RBBP7: variants seen among roughly 807,000 people sequenced by gnomAD.
The protein encoded by RBBP7 is RB binding protein 7, chromatin remodeling factor, also known as histone-binding protein RBBP7.
RBBP7 carries 5 observed loss-of-function variants against 35.2 expected under a neutral mutation model. That is an observed-to-expected ratio of 0.14 (90% CI 0.07 to 0.30). The LOEUF (loss-of-function observed/expected upper bound fraction) is 0.30, where lower values mean the gene tolerates loss of function less well. Among genes scored for constraint, RBBP7 ranks in the 10% least tolerant of loss-of-function variants. The pLI is 1.00. For synonymous variants in RBBP7, 140 were observed against 118.7 expected (o/e 1.18, Z -1.17); for missense variants, 155 against 327.5 (o/e 0.47, Z 4.07).
In RBBP7 at chrX:16,852,097, G is replaced by A. The variant is rs1349770026; in HGVS notation, c.989C>T (p.Thr330Ile). The A allele has an allele frequency of 8.3e-7, 1 of 1,204,791 alleles. No individual in the cohort carries two copies. The highest frequency in any genetic ancestry group is 2.2e-5 in the Admixed American group (1 of 46,027). ...FQVHWSPHNE[T>I]ILASSGTDRR... ...GTCAGTACCACTTGAAGCCAGAATA[G>A]TTTCATTATGTGGAGACCAGTGGAC... The change falls in exon 9 of 12, where the codon ACT becomes ATT. Residue 330 changes from threonine (T) to isoleucine (I), a missense_variant. Thr to Ile is a moderately conservative substitution (Grantham distance 89). Coordinates refer to ENST00000380087, the MANE Select transcript of RBBP7 (RefSeq NM_002893.4).
intron 5 of RBBP7, among the ~76,000 whole-genome samples, chrX:16,854,522 G>A (rs762059111): frequency 7.6e-4 from 85 of 111,305 alleles, no homozygotes; most frequent in Non-Finnish European, 1.3e-3. Flanking sequence ...CATCCTAAAA[G>A]TTTACACTGG....
At position 16,869,898 on chromosome X, in the gene RBBP7, G is replaced by C. The variant is rs749919945; in HGVS notation, c.16+140C>G. 6.4e-6 allele frequency: 5 copies of C among 783,514 alleles called. No homozygotes were observed. The South Asian group carries it at 2.0e-4, about 31-fold the overall frequency. The allele number at this position is 783,514 out of a possible 1,213,427, so 64.6% of individuals were successfully genotyped here. On this transcript the variant is annotated intron_variant, in intron 1 of 11. Transcript: ENST00000380087. ...CGGTCCCGTCCCGCGCAGGCCCCTC[G>C]AGGCGCGCGCCCAGTCTCGCGCCCG... is the stretch of plus-strand genomic sequence containing the variant.
chrX:16,870,090 G>C lies in RBBP7; in HGVS notation c.-37C>G. On this transcript the variant is annotated 5_prime_UTR_variant, in exon 1 of 12. Coordinates refer to ENST00000380087, the MANE Select transcript of RBBP7 (RefSeq NM_002893.4). Reference sequence around the variant, plus strand: ...TCGTTCGCCCCTCGCCGCCGCCTCGGACTCCTCTCGTTAGCCAAGAGCAGC... The same window carrying C: ...TCGTTCGCCCCTCGCCGCCGCCTCGCACTCCTCTCGTTAGCCAAGAGCAGC... 2 of 1,082,255 alleles carry C rather than the reference G, an allele frequency of 1.8e-6. No homozygotes were observed. Among genetic ancestry groups the C allele is most frequent in the East Asian group, 3.9e-5 (1 of 25,916 alleles). 89.2% of individuals were successfully genotyped at this position (1,082,255 alleles called of 1,213,427 possible). A position where few individuals can be genotyped will look rare whatever the true frequency, so the allele number is the denominator to read the frequency against.
chrX:16,845,900 A>G lies in RBBP7; in HGVS notation c.1137T>C (p.Phe379=). ...HGGHTAKISD[F]SWNPNEPWVI... ...CCCAAGGCTCATTGGGGTTCCAGCT[A>G]AAATCTGAAATCTTAGCAGTGTGTC... is the stretch of plus-strand genomic sequence containing the variant. The change falls in exon 11 of 12, where the codon TTT becomes TTC. Residue 379 remains phenylalanine, a synonymous_variant. Coordinates refer to ENST00000380087, the MANE Select transcript of RBBP7 (RefSeq NM_002893.4). The G allele has an allele frequency of 1.7e-6, 2 of 1,211,690 alleles. No individual in the cohort carries two copies. Among genetic ancestry groups the G allele is most frequent in the South Asian group, 1.8e-5 (1 of 56,929 alleles).
At chrX:16,851,971 C>G in intron 9 of RBBP7, 75 bp downstream of exon 9, 1 of 897,816 alleles carries the variant, frequency 1.1e-6, no homozygotes, top group Non-Finnish European at 1.6e-6. Flanking sequence ...AATTGCTTTT[C>G]TAGTTTATGA....
At chrX:16,847,984 G>A (rs1183822432) in intron 10 of RBBP7, 3 of 111,649 alleles carry the variant, frequency 2.7e-5, no homozygotes, top group Non-Finnish European at 5.6e-5. Context: ...AAAGTAATAC[G>A]CTTTCCTTTC....
At chrX:16,862,418 T>C (rs755815244) in intron 3 of RBBP7, among the ~76,000 whole-genome samples, 1 of 111,586 alleles carries the variant, frequency 9.0e-6, no homozygotes, top group Non-Finnish European at 1.9e-5. Context: ...AAAATACCCA[T>C]TGCACACACC....
intron 2 of RBBP7, among the ~76,000 whole-genome samples, chrX:16,866,549 A>G (rs1274823925): frequency 2.0e-5 from 2 of 100,429 alleles, no homozygotes; most frequent in African/African-American, 3.7e-5. Context: ...AAAAAAAAAA[A>G]AAAAAAAAGA....
At chrX:16,853,506 C>T (rs1930263441) in intron 6 of RBBP7, 176 bp downstream of exon 6, 2 of 388,069 alleles carry the variant, frequency 5.2e-6, no homozygotes, top group Non-Finnish European at 4.1e-6. Context: ...CTCCTGGTCT[C>T]AAGCAATCCT....
At chrX:16,853,462 T>C in intron 6 of RBBP7, 1 of 296,875 alleles carries the variant, frequency 3.4e-6, no homozygotes, top group Non-Finnish European at 5.8e-6. Flanking sequence ...ACCCAACTAA[T>C]TTTTTGTTTT....
In RBBP7 at chrX:16,869,077, T is replaced by C; in HGVS notation, c.160A>G (p.Lys54Glu). The change falls in exon 2 of 12, where the codon AAA becomes GAA. Residue 54 changes from lysine to glutamate, a missense_variant and splice_region_variant. By Grantham distance (56) the Lys-to-Glu change is moderately conservative. Around this residue, in one of 3 missense-constraint regions of RBBP7, gnomAD observed 59 missense variants for 90.4 expected, o/e 0.65. Coordinates refer to ENST00000380087, the MANE Select transcript of RBBP7 (RefSeq NM_002893.4). The part of the protein sequence containing the change: ...LTVQWLPEVT[K>E]PEGKDYALHW... Reference sequence around the variant, plus strand: ...ATAAAAGTTGCCAGAAACCCTTACTTAGTCACTTCAGGAAGCCACTGAACG... The same window carrying C: ...ATAAAAGTTGCCAGAAACCCTTACTCAGTCACTTCAGGAAGCCACTGAACG... 2.5e-6 allele frequency: 3 copies of C among 1,197,246 alleles called. No individual in the cohort carries two copies. Among genetic ancestry groups the C allele is most frequent in the Non-Finnish European group, 3.4e-6 (3 of 891,484 alleles).
At chrX:16,854,741 C>T (rs1930304044) in intron 5 of RBBP7, among the ~76,000 whole-genome samples, 1 of 108,584 alleles carries the variant, frequency 9.2e-6, no homozygotes, top group Non-Finnish European at 1.9e-5. Flanking sequence ...CTCCTTGAAA[C>T]GTCAGCAGAG....
intron 2 of RBBP7, among the ~76,000 whole-genome samples, chrX:16,868,419 G>A (rs979771500): frequency 1.8e-5 from 2 of 112,236 alleles, no homozygotes; most frequent in African/African-American, 6.5e-5. Flanking sequence ...AGTACCTACA[G>A]CATAGTACTA....
chrX:16,866,977 G>A (rs1362664068), intron 2 of RBBP7, among the ~76,000 whole-genome samples: 1 of 111,693 alleles, frequency 9.0e-6, no homozygotes, highest in Non-Finnish European at 1.9e-5. Context: ...AAAGCATTTT[G>A]TTACATTCCT....
In RBBP7 at chrX:16,857,629, A is replaced by G; in HGVS notation, c.562T>C (p.Leu188=). Residue 188 remains leucine, a synonymous_variant, in exon 5 of 12, where the codon TTG becomes CTG. Coordinates refer to ENST00000380087, the MANE Select transcript of RBBP7 (RefSeq NM_002893.4). ...EGYGLSWNSN[L]SGHLLSASDD... is the part of the protein sequence containing the mutation. ...GATGCACTTAGGAGATGTCCACTCA[A>G]ATTTGAATTCCAGGAGAGACCATAG... 2 of 1,208,179 alleles carry G rather than the reference A, an allele frequency of 1.7e-6. No individual in the cohort carries two copies. The highest frequency in any genetic ancestry group is 2.2e-6 in the Non-Finnish European group (2 of 894,519).
At chrX:16,869,357 C>A in intron 1 of RBBP7, 137 bp from the exon 2 acceptor site, 1 of 1,064,396 alleles carries the variant, frequency 9.4e-7, no homozygotes, top group Non-Finnish European at 1.3e-6. Context: ...ACTAACTGCT[C>A]TTCCAGAAGG....
Position 16,863,874 on chromosome X carries a change from C to G in RBBP7, c.162-774G>C, listed in dbSNP as rs753650895. Among the ~76,000 whole-genome samples the G allele has an allele frequency of 2.7e-5, 3 of 111,511 alleles. No individual in the cohort carries two copies. The East Asian group carries it at 8.5e-4, about 31-fold the overall frequency. Reference sequence around the variant, plus strand: ...TTTGCATCAGTATCTATTAAAAAGGCTTTCCCATTTGTATTATCTAGAATA... The same window carrying G: ...TTTGCATCAGTATCTATTAAAAAGGGTTTCCCATTTGTATTATCTAGAATA... On this transcript the variant is annotated intron_variant, in intron 2 of 11. Coordinates refer to ENST00000380087, the MANE Select transcript of RBBP7 (RefSeq NM_002893.4).
At chrX:16,852,716 T>C (rs1351443095) in intron 7 of RBBP7, 33 bp downstream of exon 7, 4 of 1,211,976 alleles carry the variant, frequency 3.3e-6, no homozygotes, top group East Asian at 3.0e-5. Flanking sequence ...AACTGGGTTT[T>C]ATAAACACCA....
chrX:16,864,341 G>C (rs1930546738), intron 2 of RBBP7, among the ~76,000 whole-genome samples: 1 of 110,285 alleles, frequency 9.1e-6, no homozygotes, highest in Non-Finnish European at 1.9e-5. Context: ...CCAACGTGGA[G>C]AAACCCCATC....
Sources: gnomAD v4.1 joint callset for allele counts (sites outside exome capture counted in the v4.1 genomes callset) on GRCh38, gnomAD v4.1.1 for gene constraint, gnomAD v4.1.1 regional missense constraint, MANE v1.5 for transcripts, NCBI Gene and HGNC (gene_info 2026-07-23, HGNC 2026-07-21) for gene names.